The following WNT9B variants were observed in gnomAD, a reference collection of about 807,000 sequenced individuals.
WNT9B encodes protein Wnt-9b.
Under a neutral mutation model 30.2 loss-of-function variants are expected in WNT9B, and 12 were observed. The ratio of observed to expected loss-of-function variants is 0.40; its 90% CI spans 0.26 to 0.64. The LOEUF (loss-of-function observed/expected upper bound fraction) is 0.64. WNT9B is among the 30% of genes least tolerant of loss of function. The pLI, the probability that WNT9B is intolerant of heterozygous loss-of-function variation, is 0.42. For missense variants in WNT9B, 442 were observed against 485.2 expected, an observed-to-expected ratio of 0.91 and a Z score of 0.84; for synonymous variants, 218 against 216.9, an observed-to-expected ratio of 1.01 and a Z score of -0.05.
intron 1 of WNT9B, among the ~76,000 whole-genome samples, chr17:46,846,228 C>T (rs1454954412): frequency 6.6e-6 from 1 of 152,222 alleles, no homozygotes; most frequent in African/African-American, 2.4e-5. Flanking sequence ...CTCTCATGAA[C>T]ATTATAAAAT....
At chr17:46,843,318 T>C (rs1415666621) in intron 1 of WNT9B, among the ~76,000 whole-genome samples, 1 of 152,242 alleles carries the variant, frequency 6.6e-6, no homozygotes, top group African/African-American at 2.4e-5. Context: ...GTATGCTTTG[T>C]AGGGTGAACC....
At chr17:46,856,943 C>T (rs1250943331) in intron 1 of WNT9B, among the ~76,000 whole-genome samples, 1 of 152,224 alleles carries the variant, frequency 6.6e-6, no homozygotes, top group Admixed American at 6.5e-5. Flanking sequence ...CCCATGGCTA[C>T]TCCACTTCTC....
upstream of WNT9B, among the ~76,000 whole-genome samples, chr17:46,847,400 T>G (rs1477177017): frequency 6.6e-6 from 1 of 152,256 alleles, no homozygotes; most frequent in Non-Finnish European, 1.5e-5. Flanking sequence ...ATGGCCCACA[T>G]GCTACCTCAC....
chr17:46,885,090 G>A (rs116186402), downstream of WNT9B: 3,323 of 437,780 alleles, frequency 7.6e-3, 96 homozygotes, highest in African/African-American at 0.063. Context: ...CCGGATTCAA[G>A]CGATTCTCCC....
intron 1 of WNT9B, among the ~76,000 whole-genome samples, chr17:46,834,412 G>C (rs995730725): frequency 6.6e-6 from 1 of 152,104 alleles, no homozygotes; most frequent in Non-Finnish European, 1.5e-5. Flanking sequence ...TTAGGAGATG[G>C]AGAGTTAGGC....
rs2085366813 is a variant in WNT9B, at chr17:46,877,636, T to A, written c.*918T>A. 6.6e-6 allele frequency among the ~76,000 whole-genome samples: 1 copy of A among 152,176 alleles called. No homozygotes were observed. Among genetic ancestry groups the A allele is most frequent in the Non-Finnish European group, 1.5e-5 (1 of 68,032 alleles). ...AGCTTCCTGGTGCCTGGCAGTGACG[T>A]GGCGAGCTCAGTTTCTCAGCTGGCT... On this transcript the variant is annotated 3_prime_UTR_variant, in exon 4 of 4. Transcript: ENST00000290015.
chr17:46,875,005 C>T (rs535840960), intron 2 of WNT9B, 96 bp from the exon 3 acceptor site: 1 of 1,596,452 alleles, frequency 6.3e-7, no homozygotes, highest in Admixed American at 1.7e-5. Context: ...CCACCACCGC[C>T]TCTGGCCCTC....
Position 46,854,531 on chromosome 17 carries a change from T to G in WNT9B, c.77+2816T>G, listed in dbSNP as rs532064188. Among the ~76,000 whole-genome samples the G allele has an allele frequency of 3.3e-4, 50 of 152,240 alleles. No individual in the cohort carries two copies. In the South Asian group the frequency reaches 1.0e-2, roughly 30 times the overall value. On this transcript the variant is annotated intron_variant, in intron 1 of 3. Coordinates refer to ENST00000290015, the MANE Select transcript of WNT9B (RefSeq NM_003396.3). ...CAGGATGTATTATTATCCCAATTTT[T>G]CAGATGAGGCAACCCCCAAACCCCA...
chr17:46,870,558 C>G (rs948479952), intron 1 of WNT9B, among the ~76,000 whole-genome samples: 1 of 152,308 alleles, frequency 6.6e-6, no homozygotes, highest in Middle Eastern at 3.4e-3. Flanking sequence ...TGTCTCTGCT[C>G]GGAGGTTTCG....
chr17:46,866,685 G>A (rs1016573545), intron 1 of WNT9B, among the ~76,000 whole-genome samples: 1 of 152,080 alleles, frequency 6.6e-6, no homozygotes, highest in African/African-American at 2.4e-5. Context: ...CCTGTAGTTG[G>A]CATGGCCCTG....
At chr17:46,859,820 G>A (rs1249308964) in intron 1 of WNT9B, among the ~76,000 whole-genome samples, 1 of 152,076 alleles carries the variant, frequency 6.6e-6, no homozygotes, top group Non-Finnish European at 1.5e-5. Flanking sequence ...CTGCTGATTT[G>A]CACACAGGCC....
rs114364426 is a variant in WNT9B, at chr17:46,836,243, C to T, written c.95+2803C>T. ...TTCCAAGGAAGCAGCCAAAAGAGTG[C>T]GGAGGAAGTGATATTGGAATTCAAC... On this transcript the variant is annotated intron_variant, in intron 1 of 2. Coordinates refer to the WNT9B transcript ENST00000575372. Among the ~76,000 whole-genome samples, 762 of 151,786 alleles carry T rather than the reference C, an allele frequency of 5.0e-3. 4 individuals are homozygous for T. The highest frequency in any genetic ancestry group is 0.018 in the African/African-American group (728 of 41,334).
upstream of WNT9B, among the ~76,000 whole-genome samples, chr17:46,848,528 A>G (rs2146535294): frequency 6.6e-6 from 1 of 152,344 alleles, no homozygotes; most frequent in Middle Eastern, 3.4e-3. Context: ...GCTGCTCTTC[A>G]TGTCCTTCCT....
chr17:46,871,442 C>G (rs2085242145), intron 1 of WNT9B, among the ~76,000 whole-genome samples: 1 of 152,202 alleles, frequency 6.6e-6, no homozygotes, highest in African/African-American at 2.4e-5. Flanking sequence ...CCAGTCCAGT[C>G]ACTGCCCCCT....
intron 1 of WNT9B, among the ~76,000 whole-genome samples, chr17:46,853,864 G>A (rs1446642501): frequency 2.0e-5 from 3 of 152,176 alleles, no homozygotes; most frequent in African/African-American, 7.2e-5. Context: ...GAGGAGAGGG[G>A]TTCCAGGAGG....
At chr17:46,865,787 A>AT (rs2085123641) in intron 1 of WNT9B, among the ~76,000 whole-genome samples, 1 of 151,922 alleles carries the variant, frequency 6.6e-6, no homozygotes. Context: ...TTAATTTTTA[A>AT]TTTTGTAGAG....
chr17:46,873,730 G>A (rs990548621), intron 2 of WNT9B, among the ~76,000 whole-genome samples: 3 of 150,508 alleles, frequency 2.0e-5, no homozygotes, highest in Non-Finnish European at 2.9e-5. Flanking sequence ...GCAGTTGGCC[G>A]GTTGCCATGG....
At chr17:46,874,588 A>AT (rs2085311745) in intron 2 of WNT9B, among the ~76,000 whole-genome samples, 1 of 151,916 alleles carries the variant, frequency 6.6e-6, no homozygotes, top group Admixed American at 6.6e-5. Context: ...AATTAAAAAA[A>AT]TTTTTTTGAG....
intron 1 of WNT9B, among the ~76,000 whole-genome samples, chr17:46,840,182 A>G (rs965793169): frequency 6.6e-6 from 1 of 150,598 alleles, no homozygotes; most frequent in African/African-American, 2.5e-5. Flanking sequence ...CGCCTCCTGG[A>G]TTCATGCCAT....
Sources: gnomAD v4.1 joint callset for allele counts (sites outside exome capture counted in the v4.1 genomes callset) on GRCh38, gnomAD v4.1.1 for gene constraint, MANE v1.5 for transcripts, NCBI Gene and HGNC (gene_info 2026-07-23, HGNC 2026-07-21) for gene names.